SEZ6L: variants seen among roughly 807,000 people sequenced by gnomAD.
The protein encoded by SEZ6L is seizure related 6 homolog like, also known as seizure 6-like protein.
SEZ6L carries 37 observed loss-of-function variants against 106.2 expected under a neutral mutation model. The ratio of observed to expected loss-of-function variants is 0.35; its 90% confidence interval spans 0.27 to 0.46. SEZ6L has a LOEUF of 0.46. SEZ6L is among the 20% of genes least tolerant of loss of function. The pLI, the probability that SEZ6L is intolerant of heterozygous loss-of-function variation, is 1.00. For synonymous variants in SEZ6L, 541 were observed against 570.4 expected (o/e 0.95, Z 0.73); for missense variants, 1,172 against 1,332.8 (o/e 0.88, Z 1.88).
At chr22:26,310,507 GGCT>G (rs1391932463) in intron 6 of SEZ6L, among the ~76,000 whole-genome samples, 160 bp from the exon 7 acceptor site, 1 of 151,950 alleles carries the variant, frequency 6.6e-6, no homozygotes, top group Non-Finnish European at 1.5e-5. Flanking sequence ...TTGAACTCCA[GGCT>G]GGGCAACAAG....
chr22:26,258,812 C>T (rs1276302924), intron 1 of SEZ6L, among the ~76,000 whole-genome samples: 1 of 151,988 alleles, frequency 6.6e-6, no homozygotes, highest in Non-Finnish European at 1.5e-5. Context: ...ACTTGAAGGG[C>T]CTTATACACA....
intron 1 of SEZ6L, among the ~76,000 whole-genome samples, chr22:26,279,333 G>A (rs901059164): frequency 3.9e-5 from 6 of 152,084 alleles, no homozygotes; most frequent in African/African-American, 9.7e-5. Context: ...TTCCAGCCTC[G>A]TTTTCCCACC....
chr22:26,351,148 A>G lies in SEZ6L; in HGVS notation c.2504A>G (p.Asn835Ser), dbSNP rs753394632. The G allele has an allele frequency of 1.2e-6, 2 of 1,613,998 alleles. No individual in the cohort carries two copies. The highest frequency in any genetic ancestry group is 4.5e-5 in the East Asian group (2 of 44,872). ...GGGACCACCATCCAATACACCTGCA[A>G]CCCCGGTTTTGTGCTTGAAGGGAGT... ...LVGTTIQYTCNPGFVLEGSSL... is the reference protein window; with the variant it reads ...LVGTTIQYTCSPGFVLEGSSL... The change falls in exon 12 of 17, where the codon AAC (asparagine) becomes AGC (serine). Residue 835 changes from asparagine to serine, a missense_variant. Physicochemically the swap from Asn to Ser is conservative, Grantham distance 46. This residue lies in a region of SEZ6L where 534 missense variants were observed against 691.0 expected (regional missense o/e 0.77). Transcript: ENST00000248933.
chr22:26,197,166 T>TGG (rs1463317944), intron 1 of SEZ6L, among the ~76,000 whole-genome samples: 1 of 152,154 alleles, frequency 6.6e-6, no homozygotes, highest in Non-Finnish European at 1.5e-5. Flanking sequence ...TTTTTTTTCT[T>TGG]GTTATTTATT....
At chr22:26,273,523 G>A (rs1303868788) in intron 1 of SEZ6L, among the ~76,000 whole-genome samples, 5 of 152,252 alleles carry the variant, frequency 3.3e-5, no homozygotes, top group Admixed American at 6.5e-5. Context: ...GCGAGAGCTC[G>A]TTAGGCTCTG....
chr22:26,280,913 TTATAA>T (rs2080740404), intron 1 of SEZ6L, among the ~76,000 whole-genome samples: 1 of 152,236 alleles, frequency 6.6e-6, no homozygotes, highest in African/African-American at 2.4e-5. Flanking sequence ...GTAAGAACAC[TTATAA>T]TCTAATCTCT....
chr22:26,174,795 A>G lies in SEZ6L; in HGVS notation c.94+5032A>G, dbSNP rs188688124. Among the ~76,000 whole-genome samples the G allele has an allele frequency of 1.3e-3, 203 of 152,346 alleles. 2 individuals are homozygous for G. Among genetic ancestry groups the G allele is most frequent in the Middle Eastern group, 6.8e-3 (2 of 294 alleles). The stretch of plus-strand genomic sequence containing the variant: ...GAGGAGGTCAGTGGACGCACGAGAT[A>G]TAATTTACTAGAACATGGCAAGGAC... On this transcript the variant is annotated intron_variant, in intron 1 of 16. Coordinates refer to ENST00000248933, the MANE Select transcript of SEZ6L (RefSeq NM_021115.5).
At chr22:26,211,830 T>A (rs982986617) in intron 1 of SEZ6L, among the ~76,000 whole-genome samples, 14 of 106,418 alleles carry the variant, frequency 1.3e-4, no homozygotes, top group Admixed American at 2.7e-4. Context: ...AAAAAAAAAA[T>A]TTAAATTAAA....
chr22:26,358,906 A>G (rs143520353), intron 12 of SEZ6L, among the ~76,000 whole-genome samples: 1 of 152,292 alleles, frequency 6.6e-6, no homozygotes, highest in East Asian at 1.9e-4. Flanking sequence ...CCCCACCACA[A>G]AGAATTATCC....
At chr22:26,247,975 T>C (rs1371555261) in intron 1 of SEZ6L, among the ~76,000 whole-genome samples, 1 of 152,170 alleles carries the variant, frequency 6.6e-6, no homozygotes, top group Non-Finnish European at 1.5e-5. Flanking sequence ...GCCCTCAGCC[T>C]CCAGAGAGTG....
intron 1 of SEZ6L, among the ~76,000 whole-genome samples, chr22:26,194,577 C>T (rs756667311): frequency 5.9e-5 from 9 of 152,190 alleles, no homozygotes; most frequent in Non-Finnish European, 1.2e-4. Context: ...AGCAATGAAT[C>T]AACCATTGGA....
intron 1 of SEZ6L, among the ~76,000 whole-genome samples, chr22:26,201,542 CAG>C (rs1348385244): frequency 6.6e-6 from 1 of 151,832 alleles, no homozygotes; most frequent in South Asian, 2.1e-4. Context: ...GCCTGGGAAA[CAG>C]AGCAAGACTC....
At chr22:26,263,440 A>G (rs944480698) in intron 1 of SEZ6L, among the ~76,000 whole-genome samples, 1 of 152,254 alleles carries the variant, frequency 6.6e-6, no homozygotes, top group Non-Finnish European at 1.5e-5. Context: ...GATAAGTAAA[A>G]TAAAGCATCC....
At chr22:26,191,426 TC>T (rs1940199363) in intron 1 of SEZ6L, among the ~76,000 whole-genome samples, 1 of 152,178 alleles carries the variant, frequency 6.6e-6, no homozygotes. Flanking sequence ...TGCAATCATG[TC>T]CTTTCCAGGG....
At chr22:26,296,295 G>A (rs984045408) in intron 3 of SEZ6L, among the ~76,000 whole-genome samples, 18 of 152,102 alleles carry the variant, frequency 1.2e-4, no homozygotes, top group Non-Finnish European at 2.5e-4. Flanking sequence ...TAAGAGAATG[G>A]GCCAGAGAGT....
chr22:26,283,105 A>G (rs994856541), intron 1 of SEZ6L, among the ~76,000 whole-genome samples: 9 of 152,228 alleles, frequency 5.9e-5, no homozygotes, highest in Middle Eastern at 3.4e-3. Flanking sequence ...TATTTTTAGT[A>G]GAGATGGGGT....
intron 1 of SEZ6L, among the ~76,000 whole-genome samples, chr22:26,245,058 C>T (rs1007525770): frequency 1.3e-5 from 2 of 152,152 alleles, no homozygotes; most frequent in Admixed American, 6.5e-5. Context: ...GAAGCCAGCT[C>T]GCATCAAAAG....
chr22:26,358,989 G>T (rs2146040777), intron 12 of SEZ6L, among the ~76,000 whole-genome samples: 1 of 152,260 alleles, frequency 6.6e-6, no homozygotes, highest in Non-Finnish European at 1.5e-5. Flanking sequence ...GTGACTACAT[G>T]TCACTGCCTA....
rs753670484 is a variant in SEZ6L at position 26,293,065 on chromosome 22, G to A, written c.754G>A (p.Gly252Arg). ...LMDKGENELT[G>R]SASEESQETT... The stretch of plus-strand genomic sequence containing the variant: ...GGACAAAGGTGAGAATGAGCTGACT[G>A]GGTCAGCCTCAGAGGAGAGCCAGGA... Residue 252 changes from glycine to arginine, a missense_variant, in exon 2 of 17, where the codon GGG becomes AGG. Around this residue, in one of 4 missense-constraint regions of SEZ6L, gnomAD observed 494 missense variants for 445.8 expected, o/e 1.11. Transcript: ENST00000248933. The A allele has an allele frequency of 6.2e-7, 1 of 1,613,368 alleles. No individual in the cohort carries two copies. The highest frequency in any genetic ancestry group is 1.3e-5 in the African/African-American group (1 of 74,928).
Sources: allele counts gnomAD v4.1 joint callset (sites outside exome capture counted in the v4.1 genomes callset), GRCh38; gene constraint gnomAD v4.1.1; regional missense constraint gnomAD v4.1.1; transcripts MANE v1.5; gene names NCBI Gene and HGNC (gene_info 2026-07-23, HGNC 2026-07-21).